TRPM7: variants seen among roughly 807,000 people sequenced by gnomAD.
The protein encoded by TRPM7 is LTRPC ion channel family member 7.
TRPM7 carries 134 observed loss-of-function variants against 229.7 expected under a neutral mutation model. The ratio of observed to expected loss-of-function variants is 0.58; its 90% CI spans 0.51 to 0.67. TRPM7 has a LOEUF of 0.67. TRPM7 is among the 30% of genes least tolerant of loss of function. The pLI is 0.00. For missense variants in TRPM7, 1,901 were observed against 2,210.0 expected, an observed-to-expected ratio of 0.86 and a Z score of 2.80; for synonymous variants, 699 against 715.2, an observed-to-expected ratio of 0.98 and a Z score of 0.36.
chr15:50,593,799 A>C, intron 24 of TRPM7, 50 bp from the exon 25 acceptor site: 1 of 1,544,334 alleles, frequency 6.5e-7, no homozygotes, highest in South Asian at 1.2e-5. Flanking sequence ...TCAAGGTTTC[A>C]ACTTTAGCTC....
In TRPM7 at chr15:50,560,121, C is replaced by T. The variant is rs923141162; in HGVS notation, c.*1557G>A. 1 of 146,852 alleles carries T rather than the reference C, an allele frequency of 6.8e-6. No individual in the cohort carries two copies. The highest frequency in any genetic ancestry group is 2.5e-5 in the African/African-American group (1 of 39,624). The allele number at this position is 146,852 out of a possible 1,614,324, so 9.1% of individuals were successfully genotyped here. On this transcript the variant is annotated 3_prime_UTR_variant, in exon 39 of 39. Transcript: ENST00000646667. Reference sequence around the variant, plus strand: ...CCCATATTGCCCTTTTTTGGCCTAACAAAAAACAGATTTCTAAGAAGACAG... The same window carrying T: ...CCCATATTGCCCTTTTTTGGCCTAATAAAAAACAGATTTCTAAGAAGACAG...
At chr15:50,671,307 G>A (rs1438241868) in intron 1 of TRPM7, among the ~76,000 whole-genome samples, 1 of 152,082 alleles carries the variant, frequency 6.6e-6, no homozygotes, top group African/African-American at 2.4e-5. Flanking sequence ...AGACCATGTA[G>A]TATCTTGTCT....
chr15:50,609,537 CCTAA>C, intron 19 of TRPM7, 40 bp downstream of exon 19: 1 of 1,557,208 alleles, frequency 6.4e-7, no homozygotes, highest in Non-Finnish European at 8.7e-7. Context: ...TCCCCCAAAG[CCTAA>C]CTCTTAAAAA....
chr15:50,608,052 C>CAAAA (rs570861548), intron 19 of TRPM7, among the ~76,000 whole-genome samples: 8 of 75,892 alleles, frequency 1.1e-4, no homozygotes, highest in African/African-American at 1.2e-4. Context: ...GAGACTCTGT[C>CAAAA]AAAAAAAAAA....
chr15:50,683,735 AAAC>A lies in TRPM7; in HGVS notation c.3+2793_3+2795del, dbSNP rs577652781. 2.5e-4 allele frequency among the ~76,000 whole-genome samples: 38 copies of A among 152,260 alleles called. No homozygotes were observed. The East Asian group carries it at 2.5e-3, about 10-fold the overall frequency. ...ACTCTGTTCCAAAAAAAACAAAATA[AAAC>A]AACAACAACAAAAAAAACAAGTGCA... On this transcript the variant is annotated intron_variant, in intron 1 of 38. Transcript: ENST00000646667.
intron 3 of TRPM7, among the ~76,000 whole-genome samples, chr15:50,651,118 C>T (rs2061409668): frequency 6.6e-6 from 1 of 152,062 alleles, no homozygotes; most frequent in Non-Finnish European, 1.5e-5. Context: ...GCCCAGGAGG[C>T]AGAGGTTGCA....
intron 1 of TRPM7, among the ~76,000 whole-genome samples, chr15:50,672,500 G>A (rs1012405292): frequency 6.6e-6 from 1 of 152,106 alleles, no homozygotes; most frequent in African/African-American, 2.4e-5. Flanking sequence ...AAGATGAGAG[G>A]TGGAAGACAA....
At position 50,686,427 on chromosome 15, in the gene TRPM7, C is replaced by A. The variant is rs373990921; in HGVS notation, c.3+104G>T. 5.6e-4 allele frequency: 897 copies of A among 1,589,560 alleles called. 8 individuals are homozygous for A. The East Asian group carries it at 0.017, about 31-fold the overall frequency. On this transcript the variant is annotated intron_variant, in intron 1 of 38. Coordinates refer to ENST00000646667, the MANE Select transcript of TRPM7 (RefSeq NM_017672.6). ...GCCTCAAGGCAATTCGAGGGTCCTT[C>A]GCCGCATGGAACGCGGCTCCCCACA...
rs1218489459 is a variant in TRPM7, at chr15:50,607,905, A to C, written c.2581-577T>G. Among the ~76,000 whole-genome samples, 7 of 140,486 alleles carry C rather than the reference A, an allele frequency of 5.0e-5. No individual in the cohort carries two copies. The East Asian group carries it at 1.5e-3, about 30-fold the overall frequency. 92.2% of individuals were successfully genotyped at this position (140,486 alleles called of 152,430 possible). ...CTACTGAAAAAAAAAAAAAAAAAAA[A>C]TTAGCCAGACGTGGTGGTGCATGCC... On this transcript the variant is annotated intron_variant, in intron 19 of 38. Transcript: ENST00000646667.
intron 1 of TRPM7, among the ~76,000 whole-genome samples, chr15:50,668,403 A>T (rs1429839058): frequency 6.6e-6 from 1 of 152,226 alleles, no homozygotes; most frequent in Admixed American, 6.5e-5. Context: ...TGAGTAAAGT[A>T]TACTCCTGTG....
At chr15:50,615,667 C>T (rs192622377) in intron 13 of TRPM7, among the ~76,000 whole-genome samples, 71 of 151,812 alleles carry the variant, frequency 4.7e-4, no homozygotes, top group Admixed American at 9.2e-4. Flanking sequence ...TCACTGGGCA[C>T]GGTGGCTCAC....
Position 50,594,468 on chromosome 15 carries a change from A to G in TRPM7, c.3436T>C (p.Cys1146Arg). The G allele has an allele frequency of 6.2e-7, 1 of 1,612,738 alleles. No homozygotes were observed. ...GTCTTATCTTTCTTTCTTCTCTTAC[A>G]TATGCAGCAAAACAGAGAAACTATA... ...SHIVSLFCCI[C>R]KRRKKDKTSD... is the part of the protein sequence containing the mutation. Residue 1146 changes from cysteine to arginine, a missense_variant, in exon 24 of 39, where the codon TGT becomes CGT. By Grantham distance (180) the Cys-to-Arg change is radical. Around this residue, in one of 8 missense-constraint regions of TRPM7, gnomAD observed 533 missense variants for 497.1 expected, o/e 1.07. Coordinates refer to ENST00000646667, the MANE Select transcript of TRPM7 (RefSeq NM_017672.6).
chr15:50,653,210 G>A (rs2061472647), intron 3 of TRPM7, among the ~76,000 whole-genome samples: 1 of 152,146 alleles, frequency 6.6e-6, no homozygotes, highest in African/African-American at 2.4e-5. Context: ...CAGCTCTTAA[G>A]GAGGCATAAG....
intron 10 of TRPM7, 119 bp downstream of exon 10, chr15:50,631,298 G>T: frequency 2.2e-6 from 1 of 455,252 alleles, no homozygotes; most frequent in Non-Finnish European, 3.8e-6. Context: ...CACTTTGCAA[G>T]CATTTAGCCA....
Position 50,637,498 on chromosome 15 carries a change from A to G in TRPM7, c.756T>C (p.Thr252=). Reference sequence around the variant, plus strand: ...TGACTTCCGCCCCATACTTTCCAACAGTGCCATCATCCACCAATATGAAAT... The same window carrying G: ...TGACTTCCGCCCCATACTTTCCAACGGTGCCATCATCCACCAATATGAAAT... ...HSHFILVDDG[T]VGKYGAEVRL... is the part of the protein sequence containing the mutation. Residue 252 remains threonine, a synonymous_variant, in exon 7 of 39, where the codon ACT becomes ACC. Transcript: ENST00000646667. 1.1e-5 allele frequency: 17 copies of G among 1,614,160 alleles called. No individual in the cohort carries two copies. The highest frequency in any genetic ancestry group is 1.4e-5 in the Non-Finnish European group (17 of 1,180,008).
At chr15:50,592,868 C>T (rs531484341) in intron 25 of TRPM7, among the ~76,000 whole-genome samples, 23 of 152,216 alleles carry the variant, frequency 1.5e-4, no homozygotes, top group Middle Eastern at 6.8e-3. Context: ...CTACTTATTC[C>T]AATTACCCCA....
At chr15:50,563,746 C>T (rs1307646113) in intron 38 of TRPM7, among the ~76,000 whole-genome samples, 1 of 152,194 alleles carries the variant, frequency 6.6e-6, no homozygotes, top group Non-Finnish European at 1.5e-5. Context: ...GCCCACAGGC[C>T]ACATGCAACC....
At chr15:50,685,914 C>T (rs139822254) in intron 1 of TRPM7, among the ~76,000 whole-genome samples, 3 of 152,274 alleles carry the variant, frequency 2.0e-5, no homozygotes, top group African/African-American at 4.8e-5. Flanking sequence ...CCCCCACCCA[C>T]CAAAATCCTT....
chr15:50,643,393 A>G lies in TRPM7; in HGVS notation c.482T>C (p.Ile161Thr), dbSNP rs934229343. ...RIKQLLGKGL[I>T]KAAVTTGAWI... is the part of the protein sequence containing the mutation. ...GGCTCCAGTTGTAACTGCAGCTTTA[A>G]TAAGACCTTTTCCAAGCAACTGCTT... is the stretch of plus-strand genomic sequence containing the variant. The change falls in exon 5 of 39, where the codon ATT (isoleucine) becomes ACT (threonine). Residue 161 changes from isoleucine (I) to threonine (T), a missense_variant. Physicochemically the swap from Ile to Thr is moderately conservative, Grantham distance 89. Around this residue, in one of 8 missense-constraint regions of TRPM7, gnomAD observed 794 missense variants for 881.9 expected, o/e 0.90. Coordinates refer to ENST00000646667, the MANE Select transcript of TRPM7 (RefSeq NM_017672.6). 4 of 1,614,214 alleles carry G rather than the reference A, an allele frequency of 2.5e-6. No homozygotes were observed. The highest frequency in any genetic ancestry group is 2.5e-6 in the Non-Finnish European group (3 of 1,180,034).
Sources: gnomAD v4.1 joint callset for allele counts (sites outside exome capture counted in the v4.1 genomes callset) on GRCh38, gnomAD v4.1.1 for gene constraint, gnomAD v4.1.1 regional missense constraint, MANE v1.5 for transcripts, NCBI Gene and HGNC (gene_info 2026-07-23, HGNC 2026-07-21) for gene names.